Variants in OXCT1 observed in about 807,000 individuals in gnomAD.
The protein encoded by OXCT1 is 3-oxoacid CoA-transferase 1.
Under a neutral mutation model 69.6 loss-of-function variants are expected in OXCT1, and 27 were observed. The observed-to-expected ratio is 0.39, with a 90% CI of 0.29 to 0.54. The LOEUF is 0.54. Among genes scored for constraint, OXCT1 ranks in the 20% least tolerant of loss-of-function variants. OXCT1 has a pLI of 0.72. For synonymous variants in OXCT1, 202 were observed against 217.8 expected (o/e 0.93, Z 0.64); for missense variants, 437 against 650.2 (o/e 0.67, Z 3.57).
intron 7 of OXCT1, among the ~76,000 whole-genome samples, chr5:41,826,911 T>C (rs571578869): frequency 6.6e-6 from 1 of 152,336 alleles, no homozygotes; most frequent in Non-Finnish European, 1.5e-5. Flanking sequence ...TCTCAGTAAG[T>C]GATGTATCAT....
At chr5:41,862,179 C>T (rs779722560) in intron 2 of OXCT1, among the ~76,000 whole-genome samples, 28 of 152,160 alleles carry the variant, frequency 1.8e-4, no homozygotes, top group Middle Eastern at 3.2e-3. Flanking sequence ...CCACTGCACT[C>T]CAGCCTGGGT....
rs200102677 is a variant in OXCT1 at position 41,753,306 on chromosome 5, CATAG to C, written c.1339-3703_1339-3700del. Reference sequence around the variant, plus strand: ...ACACACACATAGACACACACACACACATAGACACACACACACACACACACACAGA... The same window carrying C: ...ACACACACATAGACACACACACACACACACACACACACACACACACACAGA... On this transcript the variant is annotated intron_variant, in intron 14 of 16. Transcript: ENST00000196371. Among the ~76,000 whole-genome samples the C allele has an allele frequency of 5.8e-4, 60 of 102,660 alleles. 2 individuals are homozygous for C. Among genetic ancestry groups the C allele is most frequent in the African/African-American group, 2.1e-3 (56 of 27,238 alleles). 67.3% of individuals were successfully genotyped at this position (102,660 alleles called of 152,430 possible).
Position 41,853,402 on chromosome 5 carries a change from A to G in OXCT1, c.414+17T>C. ...TAAAGTAAGTTAGTATTATAAAAGA[A>G]AAGCAAATTTTCTCACCTGTGGTGT... On this transcript the variant is annotated intron_variant, in intron 4 of 16. Transcript: ENST00000196371. 1 of 1,611,650 alleles carries G rather than the reference A, an allele frequency of 6.2e-7. No individual in the cohort carries two copies. The highest frequency in any genetic ancestry group is 8.5e-7 in the Non-Finnish European group (1 of 1,177,982).
chr5:41,766,266 C>T (rs1369011484), intron 13 of OXCT1, among the ~76,000 whole-genome samples: 1 of 152,006 alleles, frequency 6.6e-6, no homozygotes, highest in African/African-American at 2.4e-5. Context: ...CTAGCAATGC[C>T]GCATGCTCCA....
intron 14 of OXCT1, among the ~76,000 whole-genome samples, chr5:41,750,682 A>C (rs1743738011): frequency 6.6e-6 from 1 of 152,066 alleles, no homozygotes; most frequent in African/African-American, 2.4e-5. Flanking sequence ...ATCTCTCCCA[A>C]AACTGGTGTC....
intron 7 of OXCT1, among the ~76,000 whole-genome samples, chr5:41,835,034 G>GT (rs1454276807): frequency 6.6e-6 from 1 of 151,216 alleles, no homozygotes; most frequent in African/African-American, 2.4e-5. Flanking sequence ...GAAACAAAAA[G>GT]TTGGTATTTT....
At chr5:41,777,722 C>T (rs181212757) in intron 13 of OXCT1, among the ~76,000 whole-genome samples, 10 of 152,274 alleles carry the variant, frequency 6.6e-5, no homozygotes, top group African/African-American at 2.4e-4. Flanking sequence ...AGTTACAAAG[C>T]TTTCCAATGT....
At chr5:41,808,737 A>G (rs1055203279) in intron 7 of OXCT1, among the ~76,000 whole-genome samples, 1 of 152,054 alleles carries the variant, frequency 6.6e-6, no homozygotes. Context: ...AAAACTCTGT[A>G]TGCTCCAGTA....
intron 3 of OXCT1, among the ~76,000 whole-genome samples, chr5:41,859,907 T>TATATGTAATATATATATATATATATAC (rs1304074270): frequency 1.4e-5 from 2 of 138,480 alleles, no homozygotes; most frequent in Non-Finnish European, 3.1e-5. Flanking sequence ...TATATATATA[T>TATATGTAATATATATATATATATATAC]ACACACACAC....
intron 15 of OXCT1, among the ~76,000 whole-genome samples, chr5:41,745,765 T>C (rs894304175): frequency 3.3e-5 from 5 of 152,058 alleles, no homozygotes; most frequent in African/African-American, 1.2e-4. Context: ...GAGAATACTA[T>C]AAACACCTCT....
chr5:41,810,211 G>A (rs1254619742), intron 7 of OXCT1, among the ~76,000 whole-genome samples: 2 of 152,014 alleles, frequency 1.3e-5, no homozygotes, highest in African/African-American at 4.8e-5. Flanking sequence ...AAAGTCTAGT[G>A]AGATCAGGCG....
At position 41,842,880 on chromosome 5, in the gene OXCT1, G is replaced by T. The variant is rs1278075820; in HGVS notation, c.565-99C>A. On this transcript the variant is annotated intron_variant, in intron 5 of 16. Coordinates refer to ENST00000196371, the MANE Select transcript of OXCT1 (RefSeq NM_000436.4). ...TAGATAATAAGGATACAAGCCTACTGAGGGAAAATTTCTCAGAGGGAAAAG... is the reference window on the plus strand; with the variant it reads ...TAGATAATAAGGATACAAGCCTACTTAGGGAAAATTTCTCAGAGGGAAAAG... 4 of 854,932 alleles carry T rather than the reference G, an allele frequency of 4.7e-6. No individual in the cohort carries two copies. In the African/African-American group the frequency reaches 6.6e-5, roughly 14 times the overall value. The allele number at this position is 854,932 out of a possible 1,614,324, so 53.0% of individuals were successfully genotyped here. A position where few individuals can be genotyped will look rare whatever the true frequency, so the allele number is the denominator to read the frequency against.
intron 13 of OXCT1, among the ~76,000 whole-genome samples, chr5:41,793,389 A>G (rs956807737): frequency 1.3e-5 from 2 of 152,248 alleles, no homozygotes; most frequent in African/African-American, 2.4e-5. Context: ...TACACTCATG[A>G]ATTAAGTCAG....
intron 7 of OXCT1, among the ~76,000 whole-genome samples, chr5:41,828,063 C>T (rs541430234): frequency 6.6e-6 from 1 of 152,274 alleles, no homozygotes; most frequent in South Asian, 2.1e-4. Context: ...AGATTCCACC[C>T]ATCATCCTGG....
intron 2 of OXCT1, among the ~76,000 whole-genome samples, chr5:41,862,304 C>G (rs1749774593): frequency 6.6e-6 from 1 of 151,986 alleles, no homozygotes; most frequent in Non-Finnish European, 1.5e-5. Flanking sequence ...GAGATTAATG[C>G]AAACATTTTA....
intron 13 of OXCT1, among the ~76,000 whole-genome samples, chr5:41,768,818 T>C (rs1385687215): frequency 6.6e-6 from 1 of 152,180 alleles, no homozygotes; most frequent in Non-Finnish European, 1.5e-5. Context: ...TCTGAATACG[T>C]TGCTCCTCTG....
chr5:41,844,347 T>C (rs968682591), intron 5 of OXCT1, among the ~76,000 whole-genome samples: 2 of 152,178 alleles, frequency 1.3e-5, no homozygotes, highest in Non-Finnish European at 1.5e-5. Context: ...TTTTTGCAAA[T>C]CCAATGATTC....
chr5:41,806,808 C>T (rs1044091055), intron 8 of OXCT1, among the ~76,000 whole-genome samples: 1 of 152,026 alleles, frequency 6.6e-6, no homozygotes, highest in African/African-American at 2.4e-5. Context: ...GCAAAAGGGA[C>T]TAACACACTG....
chr5:41,802,663 T>C (rs1188503723), intron 10 of OXCT1, among the ~76,000 whole-genome samples: 1 of 152,048 alleles, frequency 6.6e-6, no homozygotes, highest in Non-Finnish European at 1.5e-5. Context: ...TTCATTATCT[T>C]GTCCAACAAC....
Sources: gnomAD v4.1 joint callset for allele counts (sites outside exome capture counted in the v4.1 genomes callset) on GRCh38, gnomAD v4.1.1 for gene constraint, MANE v1.5 for transcripts, NCBI Gene and HGNC (gene_info 2026-07-23, HGNC 2026-07-21) for gene names.